Variants in PEAK1 observed in about 807,000 individuals in gnomAD.
PEAK1 encodes pseudopodium enriched atypical kinase 1.
Under a neutral mutation model 124.7 loss-of-function variants are expected in PEAK1, and 54 were observed. The observed-to-expected ratio is 0.43, with a 90% CI of 0.35 to 0.54. The LOEUF is 0.54. PEAK1 is among the 20% of genes least tolerant of loss of function. PEAK1 has a pLI of 0.01. For missense variants in PEAK1, 2,046 were observed against 2,134.5 expected (o/e 0.96, Z 0.82); for synonymous variants, 719 against 760.0 (o/e 0.95, Z 0.89).
downstream of PEAK1, chr15:77,103,296 C>G (rs987526056): frequency 1.3e-5 from 2 of 152,232 alleles, no homozygotes; most frequent in Admixed American, 1.3e-4. Context: ...CAGGTGTATG[C>G]TACCACACCT....
At chr15:77,417,379 G>A in intron 1 of PEAK1, 1 of 980,414 alleles carries the variant, frequency 1.0e-6, no homozygotes, top group Non-Finnish European at 1.2e-6. Context: ...AAACAAACCA[G>A]CCTTGAGGGA....
intron 2 of PEAK1, chr15:77,336,556 C>A: frequency 1.0e-6 from 1 of 985,358 alleles, no homozygotes; most frequent in Non-Finnish European, 1.2e-6. Context: ...TCTGTGAATC[C>A]TCATGCACTG....
intron 7 of PEAK1, chr15:77,178,433 C>T (rs550136212): frequency 7.1e-6 from 2 of 280,412 alleles, no homozygotes; most frequent in Non-Finnish European, 1.3e-5. Flanking sequence ...AACAGTACCA[C>T]CATTTATTCA....
At chr15:77,167,708 T>G (rs542176798) in intron 7 of PEAK1, among the ~76,000 whole-genome samples, 1 of 152,364 alleles carries the variant, frequency 6.6e-6, no homozygotes, top group East Asian at 1.9e-4. Context: ...GATAGGATTC[T>G]CTTAGTAAAA....
intron 2 of PEAK1, among the ~76,000 whole-genome samples, chr15:77,313,648 A>ATATGTG (rs1555478014): frequency 2.3e-5 from 2 of 87,608 alleles, no homozygotes; most frequent in Non-Finnish European, 4.8e-5. Flanking sequence ...GTATGTATGT[A>ATATGTG]TGTATGTGTG....
At chr15:77,193,495 A>G (rs2057946945) in intron 6 of PEAK1, among the ~76,000 whole-genome samples, 1 of 152,202 alleles carries the variant, frequency 6.6e-6, no homozygotes, top group Non-Finnish European at 1.5e-5. Flanking sequence ...GAGTGGAGAT[A>G]CGTGTCCACC....
intron 9 of PEAK1, among the ~76,000 whole-genome samples, chr15:77,128,212 AATG>A (rs2052556592): frequency 6.6e-6 from 1 of 152,186 alleles, no homozygotes; most frequent in South Asian, 2.1e-4. Context: ...CAGGGATAAT[AATG>A]GGATTATACC....
At chr15:77,396,970 T>A (rs1234535659) in intron 1 of PEAK1, among the ~76,000 whole-genome samples, 1 of 152,164 alleles carries the variant, frequency 6.6e-6, no homozygotes, top group African/African-American at 2.4e-5. Flanking sequence ...ACCTAATAGA[T>A]CTTTACAGAA....
In PEAK1 at chr15:77,108,477, A is replaced by G. The variant is rs1337938836; in HGVS notation, c.*5679T>C. The G allele has an allele frequency of 2.0e-5, 3 of 152,198 alleles. No individual in the cohort carries two copies. The highest frequency in any genetic ancestry group is 1.5e-5 in the Non-Finnish European group (1 of 68,030). 9.4% of individuals were successfully genotyped at this position (152,198 alleles called of 1,614,324 possible). A position where few individuals can be genotyped will look rare whatever the true frequency, so the allele number is the denominator to read the frequency against. On this transcript the variant is annotated 3_prime_UTR_variant, in exon 10 of 10. Coordinates refer to ENST00000682557, the MANE Select transcript of PEAK1 (RefSeq NM_001385026.1). ...TGCCTCATGCCAAAATGCCCTGCAT[A>G]TCCTCAACAGAAAATCCCAACCCAG...
chr15:77,416,809 G>C (rs529810925), intron 1 of PEAK1, among the ~76,000 whole-genome samples: 1 of 152,250 alleles, frequency 6.6e-6, no homozygotes, highest in East Asian at 1.9e-4. Context: ...GTATGAAAAT[G>C]GAAATGTCAT....
At chr15:77,420,727 T>C, upstream of PEAK1, 1 of 395,932 alleles carries the variant, frequency 2.5e-6, no homozygotes, top group Non-Finnish European at 4.4e-6. Context: ...AATCCCTTCA[T>C]TTTTGTGAAG....
intron 2 of PEAK1, among the ~76,000 whole-genome samples, chr15:77,298,497 C>T (rs1292712639): frequency 1.3e-5 from 2 of 151,914 alleles, no homozygotes; most frequent in Non-Finnish European, 2.9e-5. Flanking sequence ...GGATTACAGG[C>T]GTGAGCCACC....
chr15:77,154,500 T>G (rs2152777390), intron 8 of PEAK1, among the ~76,000 whole-genome samples: 1 of 152,334 alleles, frequency 6.6e-6, no homozygotes, highest in East Asian at 1.9e-4. Flanking sequence ...AAGTTAATAT[T>G]GTTATGTGTG....
chr15:77,163,400 A>G lies in PEAK1; in HGVS notation c.3138-4704T>C, dbSNP rs1466745173. Among the ~76,000 whole-genome samples, 14 of 152,362 alleles carry G rather than the reference A, an allele frequency of 9.2e-5. 1 individual carries two copies. The East Asian group carries it at 2.7e-3, about 29-fold the overall frequency. On this transcript the variant is annotated intron_variant, in intron 7 of 9. Coordinates refer to ENST00000682557, the MANE Select transcript of PEAK1 (RefSeq NM_001385026.1). ...ATAAACAAATCCCTTGGAAGGTTGTATCTCATCAGTCTGCCATATTCATAC... is the reference window on the plus strand; with the variant it reads ...ATAAACAAATCCCTTGGAAGGTTGTGTCTCATCAGTCTGCCATATTCATAC...
intron 5 of PEAK1, among the ~76,000 whole-genome samples, chr15:77,261,759 C>T (rs1463270363): frequency 1.3e-5 from 2 of 152,048 alleles, no homozygotes; most frequent in Non-Finnish European, 2.9e-5. Context: ...ATACAGAGAA[C>T]GTCATAAAGA....
chr15:77,352,411 T>G, intron 2 of PEAK1: 1 of 985,180 alleles, frequency 1.0e-6, no homozygotes, highest in East Asian at 1.1e-4. Flanking sequence ...CCAAGACAGG[T>G]CCTCATTCAG....
At chr15:77,334,515 A>G (rs1473515204) in intron 2 of PEAK1, 1 of 985,246 alleles carries the variant, frequency 1.0e-6, no homozygotes, top group African/African-American at 1.7e-5. Context: ...CGACCCAGGC[A>G]GTTTGCTCTT....
At chr15:77,288,661 G>T (rs142459146) in intron 2 of PEAK1, among the ~76,000 whole-genome samples, 1 of 152,262 alleles carries the variant, frequency 6.6e-6, no homozygotes, top group Non-Finnish European at 1.5e-5. Context: ...ATTTCAATGA[G>T]GCTGGGCGTG....
At chr15:77,188,120 A>T (rs2057639855) in intron 6 of PEAK1, among the ~76,000 whole-genome samples, 1 of 152,216 alleles carries the variant, frequency 6.6e-6, no homozygotes, top group Admixed American at 6.5e-5. Flanking sequence ...CATGAGTAAA[A>T]GGGACTTTCT....
Sources: gnomAD v4.1 joint callset for allele counts (sites outside exome capture counted in the v4.1 genomes callset) on GRCh38, gnomAD v4.1.1 for gene constraint, MANE v1.5 for transcripts, NCBI Gene and HGNC (gene_info 2026-07-23, HGNC 2026-07-21) for gene names.